RTN4: variants seen among roughly 807,000 people sequenced by gnomAD.
RTN4 encodes the protein reticulon 4.
Under a neutral mutation model 90.4 loss-of-function variants are expected in RTN4, and 32 were observed. The observed-to-expected ratio is 0.35, with a 90% CI of 0.27 to 0.48. The LOEUF (loss-of-function observed/expected upper bound fraction) is 0.48. Ranked by LOEUF, RTN4 falls within the 20% of genes least tolerant of loss-of-function variation. The pLI, the probability that RTN4 is intolerant of heterozygous loss-of-function variation, is 0.99. For missense variants in RTN4, 1,706 were observed against 1,430.2 expected (o/e 1.19, Z -3.11); for synonymous variants, 629 against 552.5 (o/e 1.14, Z -1.94).
intron 3 of RTN4, among the ~76,000 whole-genome samples, chr2:55,011,850 G>C (rs958131182): frequency 6.6e-6 from 1 of 152,060 alleles, no homozygotes; most frequent in East Asian, 1.9e-4. Context: ...TTTTAAAAGA[G>C]CCCAGTATTC....
At chr2:55,093,568 G>A (rs756733869) in intron 1 of RTN4, among the ~76,000 whole-genome samples, 44 of 152,052 alleles carry the variant, frequency 2.9e-4, no homozygotes, top group Non-Finnish European at 4.9e-4. Flanking sequence ...TGCTTCTTCC[G>A]GAGGAAGCCC....
At chr2:55,072,969 G>C (rs1175295107) in intron 2 of RTN4, among the ~76,000 whole-genome samples, 1 of 152,126 alleles carries the variant, frequency 6.6e-6, no homozygotes, top group Non-Finnish European at 1.5e-5. Context: ...GCTCGGCTCA[G>C]TTGCTCATTC....
At chr2:55,081,859 T>C (rs1332717814) in intron 1 of RTN4, among the ~76,000 whole-genome samples, 2 of 18,014 alleles carry the variant, frequency 1.1e-4, no homozygotes, top group Non-Finnish European at 2.2e-4. Flanking sequence ...CCAGACCCTG[T>C]CTCAAAAAAA....
intron 3 of RTN4, among the ~76,000 whole-genome samples, chr2:54,995,598 C>T (rs1426143256): frequency 2.0e-5 from 3 of 152,100 alleles, no homozygotes; most frequent in Admixed American, 6.5e-5. Flanking sequence ...CATTCATTTT[C>T]TAAGCTGCTT....
chr2:55,108,896 C>A (rs1464528468), intron 1 of RTN4, among the ~76,000 whole-genome samples: 2 of 152,032 alleles, frequency 1.3e-5, no homozygotes, highest in Non-Finnish European at 2.9e-5. Flanking sequence ...CAGAATAATT[C>A]CAGGAGCTCT....
At chr2:55,056,940 T>C (rs1183312590) in intron 2 of RTN4, among the ~76,000 whole-genome samples, 1 of 152,178 alleles carries the variant, frequency 6.6e-6, no homozygotes, top group Non-Finnish European at 1.5e-5. Context: ...TAGGTTTAGG[T>C]AGTAGGCTTG....
chr2:55,094,975 T>G (rs933128374), intron 1 of RTN4, among the ~76,000 whole-genome samples: 1 of 152,146 alleles, frequency 6.6e-6, no homozygotes, highest in Middle Eastern at 3.2e-3. Flanking sequence ...CAAGTCCTCC[T>G]CTTGTATTTC....
intron 1 of RTN4, among the ~76,000 whole-genome samples, chr2:55,036,833 T>G (rs1682725221): frequency 6.6e-6 from 1 of 152,076 alleles, no homozygotes; most frequent in Non-Finnish European, 1.5e-5. Flanking sequence ...AGGAAAAATA[T>G]GCAGCTAACA....
intron 3 of RTN4, chr2:55,010,457 T>A: frequency 1.3e-6 from 1 of 755,372 alleles, no homozygotes; most frequent in Non-Finnish European, 1.7e-6. Context: ...AGAAAGGAAA[T>A]AAGGGTTGTT....
intron 4 of RTN4, among the ~76,000 whole-genome samples, chr2:54,986,071 A>G (rs1432309186): frequency 2.0e-5 from 3 of 152,208 alleles, no homozygotes; most frequent in African/African-American, 7.2e-5. Flanking sequence ...AATAAAAAGT[A>G]TGACTGAGGC....
In RTN4 at chr2:55,077,756, TACACACACAC is replaced by T. The variant is rs200121610; in HGVS notation, c.-63+2723_-63+2732del. On this transcript the variant is annotated intron_variant, in intron 2 of 3. Coordinates refer to the RTN4 transcript ENST00000427710. ...ACAAGTGGATAAAGAAAATGTTTTA[TACACACACAC>T]ACACACACACACACACACACACACA... 2.2e-3 allele frequency among the ~76,000 whole-genome samples: 322 copies of T among 144,462 alleles called. 5 individuals carry two copies. Among genetic ancestry groups the T allele is most frequent in the East Asian group, 0.018 (87 of 4,846 alleles). The allele number at this position is 144,462 out of a possible 152,430, so 94.8% of individuals were successfully genotyped here.
chr2:55,059,147 G>C (rs1668244692), intron 2 of RTN4, among the ~76,000 whole-genome samples: 1 of 152,036 alleles, frequency 6.6e-6, no homozygotes, highest in Non-Finnish European at 1.5e-5. Context: ...CCCAGCCTAT[G>C]ACAAGGTATT....
At chr2:55,017,388 C>A (rs1170910051) in intron 3 of RTN4, among the ~76,000 whole-genome samples, 3 of 152,242 alleles carry the variant, frequency 2.0e-5, no homozygotes, top group African/African-American at 7.2e-5. Flanking sequence ...TAATTTCGTA[C>A]TATTTACCTA....
intron 1 of RTN4, among the ~76,000 whole-genome samples, chr2:55,081,639 G>C (rs1668719923): frequency 6.6e-6 from 1 of 152,070 alleles, no homozygotes; most frequent in Non-Finnish European, 1.5e-5. Context: ...AAGGCAGGAA[G>C]ATTGCTTGAG....
upstream of RTN4, among the ~76,000 whole-genome samples, chr2:55,053,535 A>G (rs1327430381): frequency 1.3e-5 from 2 of 151,940 alleles, no homozygotes; most frequent in Non-Finnish European, 2.9e-5. Flanking sequence ...AAAAATACCA[A>G]ATTAGCAGGG....
chr2:55,036,944 T>A (rs1349807665), intron 1 of RTN4, among the ~76,000 whole-genome samples: 1 of 152,170 alleles, frequency 6.6e-6, no homozygotes, highest in Non-Finnish European at 1.5e-5. Flanking sequence ...AAAGTAAAAC[T>A]ATCTTAACTT....
At chr2:55,133,391 C>CT in the RTN4 span, among the ~76,000 whole-genome samples, 4 of 151,828 alleles carry the variant, frequency 2.6e-5, no homozygotes, top group East Asian at 1.9e-4. Flanking sequence ...CTCTCCCTGC[C>CT]TTTTTTTTAC....
the RTN4 span, among the ~76,000 whole-genome samples, chr2:55,136,093 A>G: frequency 6.6e-6 from 1 of 152,180 alleles, no homozygotes; most frequent in African/African-American, 2.4e-5. Flanking sequence ...GCTTAAAGGC[A>G]GTCTCCCAAT....
intron 8 of RTN4, 88 bp from the exon 9 acceptor site, chr2:54,973,286 G>T: frequency 8.5e-7 from 1 of 1,169,810 alleles, no homozygotes; most frequent in Non-Finnish European, 1.2e-6. Context: ...ATGTTATTCA[G>T]CTAATACAAT....
Sources: allele counts gnomAD v4.1 joint callset (sites outside exome capture counted in the v4.1 genomes callset), GRCh38; gene constraint gnomAD v4.1.1; transcripts MANE v1.5; gene names NCBI Gene and HGNC (gene_info 2026-07-23, HGNC 2026-07-21).